The following NCOA1 variants were observed in gnomAD, a reference collection of about 807,000 sequenced individuals.
The protein encoded by NCOA1 is Hin-2 protein.
NCOA1 carries 35 observed loss-of-function variants against 150.9 expected under a neutral mutation model. The observed-to-expected ratio is 0.23, with a 90% CI of 0.18 to 0.31. The LOEUF (loss-of-function observed/expected upper bound fraction) is 0.31. Among genes scored for constraint, NCOA1 ranks in the 10% least tolerant of loss-of-function variants. The pLI, the probability that NCOA1 is intolerant of heterozygous loss-of-function variation, is 1.00. For missense variants in NCOA1, 1,491 were observed against 1,749.3 expected, an observed-to-expected ratio of 0.85 and a Z score of 2.63; for synonymous variants, 590 against 630.0, an observed-to-expected ratio of 0.94 and a Z score of 0.95.
intron 2 of NCOA1, among the ~76,000 whole-genome samples, chr2:24,581,635 C>T (rs1039998177): frequency 1.3e-5 from 2 of 151,996 alleles, no homozygotes; most frequent in Non-Finnish European, 2.9e-5. Flanking sequence ...CCAGCTTCTT[C>T]AGCTCCAAGG....
At chr2:24,722,011 G>A (rs1674380148) in intron 14 of NCOA1, among the ~76,000 whole-genome samples, 1 of 152,006 alleles carries the variant, frequency 6.6e-6, no homozygotes, top group Non-Finnish European at 1.5e-5. Flanking sequence ...TTTTTGAAGA[G>A]AAAATAAAAT....
At chr2:24,521,452 TTTTAAGATTCTAAGTA>T (rs1317438738) in intron 1 of NCOA1, among the ~76,000 whole-genome samples, 2 of 152,186 alleles carry the variant, frequency 1.3e-5, no homozygotes, top group Non-Finnish European at 2.9e-5. Flanking sequence ...GAGTTCAACT[TTTTAAGATTCTAAGTA>T]TTTAGTGAGA....
At chr2:24,545,935 G>A (rs1007095667) in intron 1 of NCOA1, among the ~76,000 whole-genome samples, 1 of 152,086 alleles carries the variant, frequency 6.6e-6, no homozygotes, top group Admixed American at 6.5e-5. Flanking sequence ...GATTACAAGT[G>A]CATGCCACTA....
intron 11 of NCOA1, among the ~76,000 whole-genome samples, chr2:24,701,696 A>T (rs922698262): frequency 6.6e-6 from 1 of 152,212 alleles, no homozygotes; most frequent in Non-Finnish European, 1.5e-5. Context: ...TATTAAAATA[A>T]AGCCATTTTC....
At chr2:24,702,631 A>G (rs866614214) in intron 11 of NCOA1, among the ~76,000 whole-genome samples, 14 of 152,344 alleles carry the variant, frequency 9.2e-5, no homozygotes, top group Middle Eastern at 3.4e-3. Flanking sequence ...AGCGGCTGTC[A>G]TGTTAAAGGT....
chr2:24,495,923 G>T (rs1370667442), intron 1 of NCOA1, among the ~76,000 whole-genome samples: 1 of 152,138 alleles, frequency 6.6e-6, no homozygotes, highest in African/African-American at 2.4e-5. Flanking sequence ...ATGACTAACA[G>T]GTATTTCATT....
intron 14 of NCOA1, among the ~76,000 whole-genome samples, chr2:24,723,715 A>T (rs747026214): frequency 1.3e-5 from 2 of 152,092 alleles, no homozygotes; most frequent in Non-Finnish European, 2.9e-5. Context: ...TTCTCTACCT[A>T]TTGTCTTACT....
chr2:24,532,217 G>A (rs1340663606), intron 1 of NCOA1, among the ~76,000 whole-genome samples: 2 of 152,186 alleles, frequency 1.3e-5, no homozygotes, highest in African/African-American at 4.8e-5. Context: ...GTGATGATGA[G>A]CATTTTTTCA....
chr2:24,712,360 C>T (rs1191317599), intron 14 of NCOA1, among the ~76,000 whole-genome samples: 1 of 152,168 alleles, frequency 6.6e-6, no homozygotes, highest in Non-Finnish European at 1.5e-5. Flanking sequence ...AGGTCTTTAT[C>T]TCCTTCCCCA....
At chr2:24,608,245 C>CTTATTATTATTA (rs1266276976) in intron 3 of NCOA1, among the ~76,000 whole-genome samples, 1 of 127,550 alleles carries the variant, frequency 7.8e-6, no homozygotes, top group Non-Finnish European at 1.6e-5. Flanking sequence ...ACCCAGTTCC[C>CTTATTATTATTA]CTATTATTAT....
At chr2:24,697,084 C>T (rs56112247) in intron 10 of NCOA1, among the ~76,000 whole-genome samples, 5,506 of 152,042 alleles carry the variant, frequency 0.036, 129 homozygotes, top group East Asian at 0.11. Context: ...TTTTATAAAG[C>T]GTATGTTCCG....
intron 5 of NCOA1, among the ~76,000 whole-genome samples, chr2:24,659,948 T>C (rs919646467): frequency 6.6e-6 from 1 of 152,122 alleles, no homozygotes; most frequent in Admixed American, 6.6e-5. Context: ...CAGAAGACTC[T>C]TCTGTCCTTG....
chr2:24,576,640 G>A (rs1667004121), intron 2 of NCOA1, among the ~76,000 whole-genome samples: 1 of 152,192 alleles, frequency 6.6e-6, no homozygotes, highest in South Asian at 2.1e-4. Flanking sequence ...GCTATTTGTG[G>A]AAATTCTTGA....
At chr2:24,535,355 A>T (rs1665087492) in intron 1 of NCOA1, among the ~76,000 whole-genome samples, 1 of 151,596 alleles carries the variant, frequency 6.6e-6, no homozygotes, top group East Asian at 1.9e-4. Flanking sequence ...TCTGCACGTG[A>T]GTGGGTCTCC....
intron 7 of NCOA1, among the ~76,000 whole-genome samples, chr2:24,681,392 T>G (rs1672159466): frequency 6.6e-6 from 1 of 152,096 alleles, no homozygotes; most frequent in Non-Finnish European, 1.5e-5. Context: ...AATTGGAAGA[T>G]TTTTCAACAG....
chr2:24,757,803 T>C (rs773162444), intron 20 of NCOA1, among the ~76,000 whole-genome samples, 170 bp from the exon 21 acceptor site: 15 of 152,192 alleles, frequency 9.9e-5, no homozygotes, highest in Non-Finnish European at 8.8e-5. Flanking sequence ...TAATCCCTTA[T>C]GTAGACTTCA....
chr2:24,769,225 A>T lies in NCOA1; in HGVS notation c.*834A>T, dbSNP rs934253546. 5.2e-6 allele frequency: 1 copy of T among 190,492 alleles called. No homozygotes were observed. The highest frequency in any genetic ancestry group is 2.3e-5 in the African/African-American group (1 of 42,964). The allele number at this position is 190,492 out of a possible 1,614,324, so 11.8% of individuals were successfully genotyped here. On this transcript the variant is annotated 3_prime_UTR_variant, in exon 23 of 23. Transcript: ENST00000348332. ...TGAGGTAGCTAAAGTTATTTAAAAT[A>T]AAATTAAATTTATGATCCAAGTAGC...
rs767185890 is a variant in NCOA1 at position 24,691,642 on chromosome 2, A to G, written c.694A>G (p.Ile232Val). Residue 232 changes from isoleucine (I) to valine (V), a missense_variant, in exon 9 of 23, where the codon ATT becomes GTT. By Grantham distance (29) the Ile-to-Val change is conservative. This residue lies in a region of NCOA1 where 99 missense variants were observed against 122.8 expected (regional missense o/e 0.81). Coordinates refer to ENST00000348332, the MANE Select transcript of NCOA1 (RefSeq NM_003743.5). Reference protein sequence around the residue: ...QCFTVSQPKSIQEDGEDFQSC... With the variant: ...QCFTVSQPKSVQEDGEDFQSC... ...TTTCACTGTGTCACAGCCAAAATCA[A>G]TTCAAGAGGATGGAGAAGGTAAAGC... 8.7e-6 allele frequency: 14 copies of G among 1,613,992 alleles called. No homozygotes were observed. The highest frequency in any genetic ancestry group is 3.3e-5 in the Admixed American group (2 of 60,022).
rs70947837 is a variant in NCOA1 at position 24,690,651 on chromosome 2, C to CAAAAAAAAAAAAAAAAAAAAAA, written c.533-824_533-803dup. 1.0e-3 allele frequency among the ~76,000 whole-genome samples: 39 copies of CAAAAAAAAAAAAAAAAAAAAAA among 38,444 alleles called. 3 individuals are homozygous for CAAAAAAAAAAAAAAAAAAAAAA. The highest frequency in any genetic ancestry group is 1.3e-3 in the Non-Finnish European group (32 of 24,000). The allele number at this position is 38,444 out of a possible 152,430, so 25.2% of individuals were successfully genotyped here. A position where few individuals can be genotyped will look rare whatever the true frequency, so the allele number is the denominator to read the frequency against. ...TGGGTGACAAAGTGAGATTCCATCT[C>CAAAAAAAAAAAAAAAAAAAAAA]AAAAAAAAAAAAAAAAAAAAAAAAA... is the stretch of plus-strand genomic sequence containing the variant. On this transcript the variant is annotated intron_variant, in intron 8 of 22. Coordinates refer to ENST00000348332, the MANE Select transcript of NCOA1 (RefSeq NM_003743.5).
Sources: gnomAD v4.1 joint callset for allele counts (sites outside exome capture counted in the v4.1 genomes callset) on GRCh38, gnomAD v4.1.1 for gene constraint, gnomAD v4.1.1 regional missense constraint, MANE v1.5 for transcripts, NCBI Gene and HGNC (gene_info 2026-07-23, HGNC 2026-07-21) for gene names.